Variants in SNX25 observed in about 807,000 individuals in gnomAD.
SNX25 encodes sorting nexin 25.
A neutral mutation model predicts 113.7 loss-of-function variants in SNX25; 62 were observed. That is an observed-to-expected ratio of 0.55 (90% CI 0.44 to 0.67). The LOEUF is 0.67. SNX25 is among the 30% of genes least tolerant of loss of function. The pLI, the probability that SNX25 is intolerant of heterozygous loss-of-function variation, is 0.00. For synonymous variants in SNX25, 421 were observed against 436.2 expected, an observed-to-expected ratio of 0.97 and a Z score of 0.43; for missense variants, 1,014 against 1,161.0, an observed-to-expected ratio of 0.87 and a Z score of 1.84.
downstream of SNX25, chr4:185,374,487 A>C (rs764833601): frequency 2.5e-6 from 4 of 1,602,866 alleles, no homozygotes; most frequent in Admixed American, 1.7e-5. Context: ...GAGCAAAAAA[A>C]CCCTAGTTTT....
Position 185,210,366 on chromosome 4 carries a change from A to T in SNX25, c.429+111A>T, listed in dbSNP as rs1241442870. 27 of 977,778 alleles carry T rather than the reference A, an allele frequency of 2.8e-5. No individual in the cohort carries two copies. Among genetic ancestry groups the T allele is most frequent in the Non-Finnish European group, 3.3e-5 (27 of 825,212 alleles). 60.6% of individuals were successfully genotyped at this position (977,778 alleles called of 1,614,324 possible). ...GCGGCATGCCCTTGTCGAAGCGGGAAGCCGGGAGCCAGGGGGCTGGGCTGC... is the reference window on the plus strand; with the variant it reads ...GCGGCATGCCCTTGTCGAAGCGGGATGCCGGGAGCCAGGGGGCTGGGCTGC... On this transcript the variant is annotated intron_variant, in intron 1 of 18. Transcript: ENST00000652585. This position sits in a 1 kb window ranked among gnomAD's most constrained non-coding sequence, Gnocchi z 4.4.
At chr4:185,306,059 A>G (rs866289839) in intron 6 of SNX25, among the ~76,000 whole-genome samples, 6 of 152,246 alleles carry the variant, frequency 3.9e-5, no homozygotes, top group African/African-American at 1.4e-4. Context: ...ATAGAGAAAC[A>G]GCCACATAAC....
intron 1 of SNX25, among the ~76,000 whole-genome samples, chr4:185,224,380 TATAA>T (rs1205473199): frequency 2.8e-5 from 4 of 145,036 alleles, no homozygotes; most frequent in Non-Finnish European, 6.0e-5. Context: ...AATATATAGA[TATAA>T]ATATATAAAT....
intron 1 of SNX25, among the ~76,000 whole-genome samples, chr4:185,231,647 G>C (rs1741890669): frequency 6.6e-6 from 1 of 151,574 alleles, no homozygotes. Flanking sequence ...GGAGGTGGAG[G>C]TTGCAGTGAG....
In SNX25 at chr4:185,309,504, C is replaced by T. The variant is rs1754943144; in HGVS notation, c.1163-1131C>T. 2.0e-5 allele frequency among the ~76,000 whole-genome samples: 3 copies of T among 152,208 alleles called. No homozygotes were observed. In the South Asian group the frequency reaches 6.2e-4, roughly 32 times the overall value. On this transcript the variant is annotated intron_variant, in intron 6 of 18. Transcript: ENST00000652585. ...GAGTTGAGTTAGCATCTTCCACAAA[C>T]CTGCTTTTTCTCCAGTGTTTCTAGC...
chr4:185,207,520 C>CT (rs1185927043), upstream of SNX25, among the ~76,000 whole-genome samples: 1 of 152,072 alleles, frequency 6.6e-6, no homozygotes, highest in Non-Finnish European at 1.5e-5. Context: ...GCCTGGCCAA[C>CT]TATCCACTTT....
chr4:185,359,701 C>G (rs2095353607), intron 16 of SNX25, among the ~76,000 whole-genome samples: 1 of 152,128 alleles, frequency 6.6e-6, no homozygotes, highest in Non-Finnish European at 1.5e-5. Context: ...CCAAAATGGC[C>G]TTCTTTTTCT....
intron 16 of SNX25, among the ~76,000 whole-genome samples, chr4:185,360,389 C>G (rs1366625162): frequency 6.6e-6 from 1 of 152,202 alleles, no homozygotes; most frequent in Non-Finnish European, 1.5e-5. Flanking sequence ...CTTGAAACAT[C>G]TACTGCAGAT....
At chr4:185,371,488 G>A (rs1319731955), downstream of SNX25, among the ~76,000 whole-genome samples, 4 of 145,046 alleles carry the variant, frequency 2.8e-5, no homozygotes, top group Non-Finnish European at 4.5e-5. Context: ...CTTGCAGTGA[G>A]CCGAGATCGC....
chr4:185,273,227 T>C (rs527964620), intron 5 of SNX25, among the ~76,000 whole-genome samples: 1 of 152,282 alleles, frequency 6.6e-6, no homozygotes, highest in East Asian at 1.9e-4. Context: ...CCAGATTGAT[T>C]GAGATACACG....
intron 9 of SNX25, among the ~76,000 whole-genome samples, chr4:185,328,902 A>T (rs114457848): frequency 6.6e-6 from 1 of 152,090 alleles, no homozygotes; most frequent in Non-Finnish European, 1.5e-5. Context: ...GGGCCACCAG[A>T]TTGGAGGTTT....
Position 185,291,343 on chromosome 4 carries a change from C to G in SNX25, c.1162+3261C>G, listed in dbSNP as rs1396332404. ...TCTTCCCAAACTGAAACTTCGTATC[C>G]GTTAAACAATAGCTCCACTCTCCCC... On this transcript the variant is annotated intron_variant, in intron 6 of 18. Coordinates refer to ENST00000652585, the MANE Select transcript of SNX25 (RefSeq NM_001378034.2). 2.0e-5 allele frequency among the ~76,000 whole-genome samples: 3 copies of G among 152,120 alleles called. No individual in the cohort carries two copies. In the East Asian group the frequency reaches 5.8e-4, roughly 29 times the overall value.
chr4:185,317,965 G>A (rs1266772647), intron 7 of SNX25, among the ~76,000 whole-genome samples: 1 of 151,982 alleles, frequency 6.6e-6, no homozygotes, highest in Non-Finnish European at 1.5e-5. Flanking sequence ...GAAACGTACT[G>A]GAAAATCTGA....
At chr4:185,362,453 TTC>T in intron 17 of SNX25, 156 bp from the exon 18 acceptor site, 1 of 800,878 alleles carries the variant, frequency 1.2e-6, no homozygotes, top group South Asian at 5.8e-5. Context: ...TGTTGAAACA[TTC>T]TTTCCTGAAG....
chr4:185,377,834 TC>T, the SNX25 span: 1 of 376,806 alleles, frequency 2.7e-6, no homozygotes, highest in Non-Finnish European at 4.7e-6. Context: ...CTTTCTGTTT[TC>T]TAGAAGCATG....
At chr4:185,336,704 G>C (rs776735848) in intron 10 of SNX25, among the ~76,000 whole-genome samples, 1 of 152,092 alleles carries the variant, frequency 6.6e-6, no homozygotes, top group African/African-American at 2.4e-5. Flanking sequence ...TGGATCAAAC[G>C]GTAGATCTTT....
chr4:185,378,011 G>A, the SNX25 span: 5 of 1,226,652 alleles, frequency 4.1e-6, no homozygotes, highest in South Asian at 2.6e-5. Context: ...TTCTTGTCTC[G>A]TTTGCTCTAG....
At chr4:185,333,097 A>G (rs531705088) in intron 10 of SNX25, among the ~76,000 whole-genome samples, 4 of 152,356 alleles carry the variant, frequency 2.6e-5, no homozygotes, top group African/African-American at 4.8e-5. Context: ...ATAAAAAAAG[A>G]TGTTTTCTTT....
At chr4:185,340,057 G>A (rs370507927) in intron 11 of SNX25, among the ~76,000 whole-genome samples, 23 of 152,176 alleles carry the variant, frequency 1.5e-4, no homozygotes, top group Admixed American at 7.2e-4. Flanking sequence ...GCTTATAGGC[G>A]TTTATGTCAT....
Sources: gnomAD v4.1 joint callset for allele counts (sites outside exome capture counted in the v4.1 genomes callset) on GRCh38, gnomAD v4.1.1 for gene constraint, Gnocchi (gnomAD v3.1) non-coding constraint, MANE v1.5 for transcripts, NCBI Gene and HGNC (gene_info 2026-07-23, HGNC 2026-07-21) for gene names.